Variants in DPF3 observed in about 807,000 individuals in gnomAD.
The protein encoded by DPF3 is zinc finger protein DPF3.
Under a neutral mutation model 56.8 loss-of-function variants are expected in DPF3, and 18 were observed. The ratio of observed to expected loss-of-function variants is 0.32; its 90% CI spans 0.22 to 0.47. DPF3 has a LOEUF of 0.47. Ranked by LOEUF, DPF3 falls within the 20% of genes least tolerant of loss-of-function variation. The probability of loss-of-function intolerance (pLI) is 1.00; values close to 1 mark genes in which losing one functional copy is unlikely to be tolerated. For synonymous variants in DPF3, 188 were observed against 180.2 expected (o/e 1.04, Z -0.35); for missense variants, 403 against 488.8 (o/e 0.82, Z 1.65).
chr14:72,770,635 G>A lies in DPF3; in HGVS notation c.193+1098C>T, dbSNP rs185737634. On this transcript the variant is annotated intron_variant, in intron 2 of 10. Transcript: ENST00000556509. Reference sequence around the variant, plus strand: ...GGTCAGGGAGAAAAGTAAGGAGTGCGTATAGATGAAACACGATTGACCATG... The same window carrying A: ...GGTCAGGGAGAAAAGTAAGGAGTGCATATAGATGAAACACGATTGACCATG... Among the ~76,000 whole-genome samples, 222 of 152,296 alleles carry A rather than the reference G, an allele frequency of 1.5e-3. 1 individual carries two copies. Among genetic ancestry groups the A allele is most frequent in the African/African-American group, 5.0e-3 (209 of 41,554 alleles).
chr14:72,780,864 C>T lies in DPF3; in HGVS notation c.33-8971G>A, dbSNP rs962366368. On this transcript the variant is annotated intron_variant, in intron 1 of 10. Coordinates refer to ENST00000556509, the MANE Select transcript of DPF3 (RefSeq NM_001280542.3). ...CTCCTTCTCTGCATGGGTAGAAATG[C>T]CCTTCTTGTGCTTAGTGAGAATGCC... is the stretch of plus-strand genomic sequence containing the variant. Among the ~76,000 whole-genome samples, 4 of 152,180 alleles carry T rather than the reference C, an allele frequency of 2.6e-5. No homozygotes were observed. The South Asian group carries it at 8.3e-4, about 31-fold the overall frequency.
chr14:72,664,159 C>T (rs934696957), intron 8 of DPF3, among the ~76,000 whole-genome samples: 21 of 152,222 alleles, frequency 1.4e-4, no homozygotes, highest in African/African-American at 4.8e-4. Flanking sequence ...GAACGCCTGC[C>T]GATTGTTCTC....
intron 1 of DPF3, among the ~76,000 whole-genome samples, chr14:72,798,676 C>A (rs531826917): frequency 6.6e-6 from 1 of 152,336 alleles, no homozygotes; most frequent in South Asian, 2.1e-4. Context: ...CTTTCCCTTT[C>A]CAGAGACTTC....
chr14:72,712,206 G>GGA lies in DPF3; in HGVS notation c.604+2215_604+2216dup, dbSNP rs1235088198. Among the ~76,000 whole-genome samples, 10 of 152,308 alleles carry GGA rather than the reference G, an allele frequency of 6.6e-5. No individual in the cohort carries two copies. In the East Asian group the frequency reaches 1.9e-3, roughly 29 times the overall value. ...GGCACTACAGGGCACACAGAAGGTG[G>GGA]GAGAGAGCCTGCGGGGAGGGCATCG... On this transcript the variant is annotated intron_variant, in intron 6 of 10. Coordinates refer to ENST00000556509, the MANE Select transcript of DPF3 (RefSeq NM_001280542.3).
chr14:72,679,026 C>T (rs185825120), intron 7 of DPF3, among the ~76,000 whole-genome samples: 64 of 152,334 alleles, frequency 4.2e-4, no homozygotes, highest in Non-Finnish European at 8.8e-5. Context: ...AGCCCCATCA[C>T]CACGCTCAGG....
intron 1 of DPF3, among the ~76,000 whole-genome samples, chr14:72,821,765 G>A (rs1883554199): frequency 1.3e-5 from 2 of 152,108 alleles, no homozygotes; most frequent in Non-Finnish European, 2.9e-5. Flanking sequence ...CAGAGCTTTG[G>A]GAGACCAAGG....
intron 3 of DPF3, among the ~76,000 whole-genome samples, chr14:72,736,355 A>G (rs1306873917): frequency 6.6e-6 from 1 of 152,268 alleles, no homozygotes; most frequent in African/African-American, 2.4e-5. Flanking sequence ...GGTGGCTACC[A>G]GCTACCATAA....
chr14:72,842,152 C>A (rs1377547052), intron 1 of DPF3, among the ~76,000 whole-genome samples: 1 of 150,914 alleles, frequency 6.6e-6, no homozygotes, highest in Admixed American at 6.6e-5. Context: ...AAAATCGAAT[C>A]AAGCAGATAA....
intron 1 of DPF3, among the ~76,000 whole-genome samples, chr14:72,834,988 CTAGAA>C (rs60233779): frequency 0.54 from 81,915 of 151,404 alleles, 22,890 homozygotes; most frequent in East Asian, 0.87. Flanking sequence ...TATGGAATAT[CTAGAA>C]TAGGGAAATC....
At chr14:72,783,388 A>G (rs1892070300) in intron 1 of DPF3, among the ~76,000 whole-genome samples, 2 of 152,164 alleles carry the variant, frequency 1.3e-5, no homozygotes, top group African/African-American at 4.8e-5. Flanking sequence ...CATATCACTC[A>G]ACAAAAAAAT....
At chr14:72,783,500 G>T (rs1351943193) in intron 1 of DPF3, among the ~76,000 whole-genome samples, 1 of 152,116 alleles carries the variant, frequency 6.6e-6, no homozygotes, top group South Asian at 2.1e-4. Context: ...CCAGCACAGG[G>T]AATAAGAATC....
intron 1 of DPF3, among the ~76,000 whole-genome samples, chr14:72,864,455 C>T (rs920420693): frequency 5.9e-5 from 9 of 152,210 alleles, no homozygotes; most frequent in Non-Finnish European, 1.0e-4. Flanking sequence ...TTATCGACTG[C>T]CATATCCCCA....
chr14:72,677,312 T>A (rs1886953411), intron 7 of DPF3, among the ~76,000 whole-genome samples: 1 of 152,230 alleles, frequency 6.6e-6, no homozygotes, highest in South Asian at 2.1e-4. Flanking sequence ...AAAGCATCCT[T>A]CCATTGTGGT....
intron 3 of DPF3, among the ~76,000 whole-genome samples, chr14:72,747,172 T>TTACC (rs1260836482): frequency 4.6e-5 from 7 of 152,210 alleles, no homozygotes; most frequent in Admixed American, 2.6e-4. Context: ...CACAACCCTC[T>TTACC]TACCTCTTCC....
chr14:72,807,072 A>G (rs1001379594), intron 1 of DPF3, among the ~76,000 whole-genome samples: 28 of 152,124 alleles, frequency 1.8e-4, no homozygotes, highest in African/African-American at 6.5e-4. Context: ...GTTTTCTCTC[A>G]CCTTGGGTAC....
Position 72,842,599 on chromosome 14 carries a change from T to C in DPF3, c.32+51458A>G, listed in dbSNP as rs144810480. On this transcript the variant is annotated intron_variant, in intron 1 of 10. Transcript: ENST00000556509. The stretch of plus-strand genomic sequence containing the variant: ...CACGGCTAGGCTTCTGTGATGTTTC[T>C]TCATCTGGGGGTTTGTGACACAAGC... Among the ~76,000 whole-genome samples, 12 of 152,352 alleles carry C rather than the reference T, an allele frequency of 7.9e-5. 1 individual carries two copies. In the East Asian group the frequency reaches 2.3e-3, roughly 29 times the overall value.
intron 3 of DPF3, among the ~76,000 whole-genome samples, chr14:72,740,996 G>A (rs1318147051): frequency 6.6e-6 from 1 of 152,104 alleles, no homozygotes; most frequent in Non-Finnish European, 1.5e-5. Flanking sequence ...CGTGAACACA[G>A]GAGTTCAAAT....
In DPF3 at chr14:72,808,295, C is replaced by T. The variant is rs114161510; in HGVS notation, c.33-36402G>A. On this transcript the variant is annotated intron_variant, in intron 1 of 10. Transcript: ENST00000556509. ...TTTAATTTTTCACCACCAGCTCCCACTACAGCATCCAAACATCCTGCTCTG... is the reference window on the plus strand; with the variant it reads ...TTTAATTTTTCACCACCAGCTCCCATTACAGCATCCAAACATCCTGCTCTG... Among the ~76,000 whole-genome samples, 746 of 152,286 alleles carry T rather than the reference C, an allele frequency of 4.9e-3. 4 individuals carry two copies. Among genetic ancestry groups the T allele is most frequent in the African/African-American group, 0.017 (711 of 41,564 alleles).
chr14:72,641,229 AG>A (rs1885554948), intron 8 of DPF3, among the ~76,000 whole-genome samples: 1 of 152,224 alleles, frequency 6.6e-6, no homozygotes, highest in Admixed American at 6.5e-5. Context: ...AGCAGCGCAG[AG>A]AGAAGAACTC....
Sources: allele counts gnomAD v4.1 joint callset (sites outside exome capture counted in the v4.1 genomes callset), GRCh38; gene constraint gnomAD v4.1.1; transcripts MANE v1.5; gene names NCBI Gene and HGNC (gene_info 2026-07-23, HGNC 2026-07-21).